CCDC50: variants seen among roughly 807,000 people sequenced by gnomAD.
CCDC50 encodes coiled-coil domain-containing protein 50.
Under a neutral mutation model 70.2 loss-of-function variants are expected in CCDC50, and 54 were observed. The observed-to-expected ratio is 0.77, with a 90% confidence interval of 0.62 to 0.96. The LOEUF (loss-of-function observed/expected upper bound fraction) is 0.96, where lower values mean the gene tolerates loss of function less well. Ranked by LOEUF, CCDC50 falls within the 50% of genes least tolerant of loss-of-function variation. The pLI is 0.00. For missense variants in CCDC50, 558 were observed against 578.7 expected (o/e 0.96, Z 0.37); for synonymous variants, 216 against 198.8 (o/e 1.09, Z -0.73).
intron 4 of CCDC50, among the ~76,000 whole-genome samples, chr3:191,363,001 C>A (rs1712547598): frequency 6.6e-6 from 1 of 151,458 alleles, no homozygotes. Context: ...ATTTTGTAGA[C>A]AGGAAAGCTT....
intron 1 of CCDC50, among the ~76,000 whole-genome samples, chr3:191,352,643 G>A (rs1712141376): frequency 7.0e-6 from 1 of 142,232 alleles, no homozygotes; most frequent in African/African-American, 2.5e-5. Flanking sequence ...AGACTATAGT[G>A]TAAACATAAC....
At chr3:191,390,701 T>C (rs1713663162) in intron 11 of CCDC50, among the ~76,000 whole-genome samples, 1 of 152,182 alleles carries the variant, frequency 6.6e-6, no homozygotes, top group South Asian at 2.1e-4. Context: ...TTCAGATTTG[T>C]CACCCTCTTG....
At chr3:191,347,832 T>C (rs1473624458) in intron 1 of CCDC50, among the ~76,000 whole-genome samples, 2 of 142,376 alleles carry the variant, frequency 1.4e-5, no homozygotes, top group African/African-American at 5.0e-5. Context: ...GATGAATGAA[T>C]ATGCTGGATG....
rs1304246100 is a variant in CCDC50, at chr3:191,398,354, T to C, written c.*6594T>C. The stretch of plus-strand genomic sequence containing the variant: ...AAGTATTCTATAAGTCTGTGTGCTT[T>C]GTTTTCCTGGATGGTTTGACCAAGG... On this transcript the variant is annotated 3_prime_UTR_variant, in exon 12 of 12. Coordinates refer to ENST00000392455, the MANE Select transcript of CCDC50 (RefSeq NM_178335.3). 4 of 152,236 alleles carry C rather than the reference T, an allele frequency of 2.6e-5. No individual in the cohort carries two copies. The highest frequency in any genetic ancestry group is 4.4e-5 in the Non-Finnish European group (3 of 68,050). The allele number at this position is 152,236 out of a possible 1,614,324, so 9.4% of individuals were successfully genotyped here. A position where few individuals can be genotyped will look rare whatever the true frequency, so the allele number is the denominator to read the frequency against.
At chr3:191,357,302 G>A (rs1712324785) in intron 2 of CCDC50, 152 bp downstream of exon 2, 1 of 704,558 alleles carries the variant, frequency 1.4e-6, no homozygotes, top group Non-Finnish European at 2.6e-6. Flanking sequence ...AATGATGCCT[G>A]GGTGATCAGT....
intron 11 of CCDC50, among the ~76,000 whole-genome samples, chr3:191,390,097 G>A (rs544002011): frequency 2.0e-4 from 31 of 151,968 alleles, no homozygotes; most frequent in African/African-American, 6.0e-4. Context: ...TAATCCCTCT[G>A]CCTCTGCCTC....
chr3:191,390,572 A>G (rs566982090), intron 11 of CCDC50, among the ~76,000 whole-genome samples: 1 of 152,168 alleles, frequency 6.6e-6, no homozygotes, highest in Non-Finnish European at 1.5e-5. Context: ...TATAGACCTT[A>G]TAGGGTAACT....
In CCDC50 at chr3:191,391,939, A is replaced by G; in HGVS notation, c.*179A>G. On this transcript the variant is annotated 3_prime_UTR_variant, in exon 12 of 12. Transcript: ENST00000392455. ...TCAAATGTTTTGGTTATTCATGATCACTTGGGCAGTATAAGAAAATGTAGC... is the reference window on the plus strand; with the variant it reads ...TCAAATGTTTTGGTTATTCATGATCGCTTGGGCAGTATAAGAAAATGTAGC... 1 of 643,626 alleles carries G rather than the reference A, an allele frequency of 1.6e-6. No individual in the cohort carries two copies. Among genetic ancestry groups the G allele is most frequent in the Non-Finnish European group, 2.7e-6 (1 of 365,330 alleles). The allele number at this position is 643,626 out of a possible 1,614,324, so 39.9% of individuals were successfully genotyped here.
intron 1 of CCDC50, among the ~76,000 whole-genome samples, chr3:191,335,627 A>G (rs759345868): frequency 6.6e-6 from 1 of 152,126 alleles, no homozygotes; most frequent in Non-Finnish European, 1.5e-5. Flanking sequence ...AAGCATACAC[A>G]CATACATTAA....
chr3:191,351,771 T>TA (rs1712114627), intron 1 of CCDC50, among the ~76,000 whole-genome samples: 1 of 141,060 alleles, frequency 7.1e-6, no homozygotes, highest in East Asian at 1.9e-4. Flanking sequence ...GAAGCCTATG[T>TA]AAAAAAAGAA....
Position 191,360,746 on chromosome 3 carries a change from C to T in CCDC50, c.240-323C>T, listed in dbSNP as rs116449878. Among the ~76,000 whole-genome samples, 1,215 of 152,196 alleles carry T rather than the reference C, an allele frequency of 8.0e-3. 7 individuals are homozygous for T. The highest frequency in any genetic ancestry group is 0.011 in the Non-Finnish European group (750 of 68,012). On this transcript the variant is annotated intron_variant, in intron 3 of 11. Coordinates refer to ENST00000392455, the MANE Select transcript of CCDC50 (RefSeq NM_178335.3). ...TGGTTATTAGTGGTAGAGGCAGGAC[C>T]GTCAAACAGGCCCCAGTGGGGTGAA... is the stretch of plus-strand genomic sequence containing the variant.
At chr3:191,390,387 G>A (rs947536290) in intron 11 of CCDC50, among the ~76,000 whole-genome samples, 3 of 7,622 alleles carry the variant, frequency 3.9e-4, no homozygotes, top group Middle Eastern at 0.042. Context: ...AAAGGGTCCC[G>A]ATTCAGACTC....
intron 4 of CCDC50, among the ~76,000 whole-genome samples, chr3:191,369,622 T>C (rs1712825295): frequency 6.6e-6 from 1 of 152,194 alleles, no homozygotes; most frequent in African/African-American, 2.4e-5. Flanking sequence ...GGCCCACAAA[T>C]ACATATTTTT....
intron 5 of CCDC50, chr3:191,370,349 T>A (rs1282314192): frequency 1.2e-5 from 4 of 334,490 alleles, no homozygotes; most frequent in South Asian, 2.5e-5. Context: ...TATCGCCTAA[T>A]GCTATCCCTC....
intron 4 of CCDC50, 138 bp downstream of exon 4, chr3:191,361,297 C>T: frequency 2.9e-6 from 2 of 689,526 alleles, no homozygotes; most frequent in South Asian, 3.1e-5. Flanking sequence ...GCTGCATTTT[C>T]CTCTGTGGAC....
At chr3:191,351,421 A>G (rs1560159421) in intron 1 of CCDC50, among the ~76,000 whole-genome samples, 1 of 141,094 alleles carries the variant, frequency 7.1e-6, no homozygotes. Flanking sequence ...TTTTGTCTCT[A>G]TTTTTCTACT....
At position 191,353,186 on chromosome 3, in the gene CCDC50, C is replaced by T. The variant is rs949951368; in HGVS notation, c.50-3902C>T. ...TGTTCAAAAGAGACTTAGCCACCAT[C>T]CCTAACACTGGGAAAATGTCTGGGC... On this transcript the variant is annotated intron_variant, in intron 1 of 11. Coordinates refer to ENST00000392455, the MANE Select transcript of CCDC50 (RefSeq NM_178335.3). 3.5e-5 allele frequency among the ~76,000 whole-genome samples: 5 copies of T among 142,038 alleles called. 1 individual carries two copies. The highest frequency in any genetic ancestry group is 7.9e-5 in the Non-Finnish European group (5 of 63,064). The allele number at this position is 142,038 out of a possible 152,430, so 93.2% of individuals were successfully genotyped here. A position where few individuals can be genotyped will look rare whatever the true frequency, so the allele number is the denominator to read the frequency against.
intron 1 of CCDC50, among the ~76,000 whole-genome samples, chr3:191,337,302 C>T (rs1711554505): frequency 6.6e-6 from 1 of 151,966 alleles, no homozygotes; most frequent in African/African-American, 2.4e-5. Context: ...TATAATGATG[C>T]CCTTGGGAAT....
At chr3:191,382,859 T>G in intron 10 of CCDC50, 34 bp downstream of exon 10, 1 of 1,497,774 alleles carries the variant, frequency 6.7e-7, no homozygotes, top group East Asian at 2.3e-5. Context: ...AATGAGGAAG[T>G]TGACTTTGGG....
Sources: gnomAD v4.1 joint callset for allele counts (sites outside exome capture counted in the v4.1 genomes callset) on GRCh38, gnomAD v4.1.1 for gene constraint, MANE v1.5 for transcripts, NCBI Gene and HGNC (gene_info 2026-07-23, HGNC 2026-07-21) for gene names.